The following TTC34 variants were observed in gnomAD, a reference collection of about 807,000 sequenced individuals.
TTC34 encodes tetratricopeptide repeat domain 34.
Under a neutral mutation model 40.7 loss-of-function variants are expected in TTC34, and 44 were observed. The ratio of observed to expected loss-of-function variants is 1.08; its 90% CI spans 0.85 to 1.39. The LOEUF (loss-of-function observed/expected upper bound fraction) is 1.39. Ranked by LOEUF, TTC34 falls within the 40% of genes most tolerant of loss-of-function variation. The probability of loss-of-function intolerance (pLI) is 0.00; values close to 1 mark genes in which losing one functional copy is unlikely to be tolerated. For synonymous variants in TTC34, 422 were observed against 398.6 expected, an observed-to-expected ratio of 1.06 and a Z score of -0.70; for missense variants, 884 against 838.0, an observed-to-expected ratio of 1.05 and a Z score of -0.68.
At chr1:2,757,446 G>A (rs1230451776) in intron 6 of TTC34, among the ~76,000 whole-genome samples, 48 of 13,546 alleles carry the variant, frequency 3.5e-3, no homozygotes, top group South Asian at 7.4e-3. Flanking sequence ...GCGAGCATCT[G>A]ACAGCCTGGA....
In TTC34 at chr1:2,759,722, G is replaced by A. The variant is rs1219601348; in HGVS notation, c.2226+23887C>T. 1.0e-4 allele frequency among the ~76,000 whole-genome samples: 2 copies of A among 19,052 alleles called. 1 individual carries two copies. Among genetic ancestry groups the A allele is most frequent in the African/African-American group, 7.2e-4 (2 of 2,780 alleles). 12.5% of individuals were successfully genotyped at this position (19,052 alleles called of 152,430 possible). ...CAGCCTGGAGCAGGACCCACACCCC[G>A]AGGTGAACATCCGACATCGTGGAGC... On this transcript the variant is annotated intron_variant, in intron 6 of 8. Coordinates refer to ENST00000401095, the Ensembl canonical transcript of TTC34.
chr1:2,767,881 C>G (rs980307735), intron 6 of TTC34, among the ~76,000 whole-genome samples: 1 of 149,762 alleles, frequency 6.7e-6, no homozygotes, highest in Admixed American at 6.7e-5. Flanking sequence ...GAAACAGCAC[C>G]CTCCACCACC....
chr1:2,683,559 G>C (rs1438635754), intron 6 of TTC34, among the ~76,000 whole-genome samples: 1 of 143,830 alleles, frequency 7.0e-6, no homozygotes, highest in East Asian at 2.1e-4. Context: ...ACAACCACAG[G>C]TGAGCATCCG....
At chr1:2,688,190 C>A (rs1450697124) in intron 6 of TTC34, among the ~76,000 whole-genome samples, 1 of 151,996 alleles carries the variant, frequency 6.6e-6, no homozygotes, top group African/African-American at 2.4e-5. Context: ...ATCGGACAGC[C>A]TGGAGCAGCA....
At chr1:2,644,450 C>A (rs1193267178) in exon 8 of TTC34, 29 of 1,534,548 alleles carry the variant, frequency 1.9e-5, no homozygotes, top group Non-Finnish European at 2.2e-5. Flanking sequence ...GGGCTTTTTC[C>A]AGGTGGGTGC....
chr1:2,651,032 G>A (rs953548961), intron 6 of TTC34, among the ~76,000 whole-genome samples: 2 of 140,960 alleles, frequency 1.4e-5, no homozygotes, highest in African/African-American at 2.7e-5. Flanking sequence ...CCACGCCTTC[G>A]GGGGGGCATC....
chr1:2,755,585 C>T (rs1447214827), intron 6 of TTC34, among the ~76,000 whole-genome samples: 1 of 118,356 alleles, frequency 8.4e-6, no homozygotes, highest in Admixed American at 8.6e-5. Flanking sequence ...ACCCACACCT[C>T]CCGGCGAGCA....
intron 6 of TTC34, among the ~76,000 whole-genome samples, chr1:2,674,256 C>CG (rs1639809913): frequency 1.1e-5 from 1 of 87,294 alleles, no homozygotes; most frequent in Non-Finnish European, 2.9e-5. Flanking sequence ...GAGAATCTGA[C>CG]AGCCTGGAAG....
chr1:2,639,240 G>A (rs1638848781), exon 9 of TTC34: 1 of 152,370 alleles, frequency 6.6e-6, no homozygotes, highest in African/African-American at 2.4e-5. Context: ...CCTGCTGGGT[G>A]AGCTGGTGGT....
intron 2 of TTC34, among the ~76,000 whole-genome samples, chr1:2,798,474 T>C (rs1327448602): frequency 1.2e-4 from 4 of 34,204 alleles, no homozygotes; most frequent in African/African-American, 2.6e-4. Flanking sequence ...TCCCAGCCTC[T>C]CAGCCTCTTA....
At chr1:2,648,297 G>A (rs753272200) in intron 6 of TTC34, among the ~76,000 whole-genome samples, 1 of 152,036 alleles carries the variant, frequency 6.6e-6, no homozygotes, top group African/African-American at 2.4e-5. Flanking sequence ...TTTCACTCTG[G>A]GGGGCAGGTA....
At position 2,796,115 on chromosome 1, in the gene TTC34, C is replaced by T. The variant is rs146149304; in HGVS notation, c.784+3929G>A. ...GAGGATGCAGCATTCAAGGCGCCAT[C>T]TTGGAATCCGAATCCCCAAGCCTGT... is the stretch of plus-strand genomic sequence containing the variant. On this transcript the variant is annotated intron_variant, in intron 2 of 8. Coordinates refer to ENST00000401095, the Ensembl canonical transcript of TTC34. The surrounding 1 kb of genome is among the most constrained non-coding windows in gnomAD (Gnocchi z 4.5). Among the ~76,000 whole-genome samples, 1 of 152,328 alleles carries T rather than the reference C, an allele frequency of 6.6e-6. No individual in the cohort carries two copies. Among genetic ancestry groups the T allele is most frequent in the African/African-American group, 2.4e-5 (1 of 41,570 alleles).
intron 6 of TTC34, among the ~76,000 whole-genome samples, chr1:2,655,628 C>G (rs1639317465): frequency 2.7e-5 from 4 of 149,970 alleles, no homozygotes; most frequent in Admixed American, 2.6e-4. Flanking sequence ...AAGTGAGCAT[C>G]TGACAGCCTG....
At chr1:2,759,893 A>AGCACCCTGCACTCCCCAGTTGAGCC (rs1641637819) in intron 6 of TTC34, among the ~76,000 whole-genome samples, 29 of 74,856 alleles carry the variant, frequency 3.9e-4, no homozygotes, top group South Asian at 9.5e-4. Flanking sequence ...TCAGGTGAGC[A>AGCACCCTGCACTCCCCAGTTGAGCC]TCTGACAGCC....
At chr1:2,687,124 C>A (rs1331527212) in intron 6 of TTC34, among the ~76,000 whole-genome samples, 3 of 145,240 alleles carry the variant, frequency 2.1e-5, no homozygotes, top group East Asian at 4.0e-4. Flanking sequence ...GCACCCCACA[C>A]CCACAGGTGA....
intron 6 of TTC34, among the ~76,000 whole-genome samples, chr1:2,758,013 G>C: frequency 7.1e-6 from 1 of 141,046 alleles, no homozygotes; most frequent in African/African-American, 2.8e-5. Flanking sequence ...GCATCTGACA[G>C]CATGTAACAG....
At position 2,750,519 on chromosome 1, in the gene TTC34, C is replaced by G. The variant is rs1361759961; in HGVS notation, c.2226+33090G>C. ...AGCATTGGACAGCCTGGATCAGCAC[C>G]CACATCCCCAAGCGAGCATCCGACA... On this transcript the variant is annotated intron_variant, in intron 6 of 8. Coordinates refer to ENST00000401095, the Ensembl canonical transcript of TTC34. 8.3e-4 allele frequency among the ~76,000 whole-genome samples: 120 copies of G among 144,818 alleles called. 37 individuals are homozygous for G. The highest frequency in any genetic ancestry group is 2.7e-3 in the African/African-American group (100 of 37,244).
intron 6 of TTC34, among the ~76,000 whole-genome samples, chr1:2,698,997 A>AGCAGTGCCC (rs1641000539): frequency 7.2e-6 from 1 of 139,362 alleles, no homozygotes; most frequent in Admixed American, 7.3e-5. Context: ...GACAGCCTGG[A>AGCAGTGCCC]AAGGCACCCA....
At chr1:2,700,932 A>C (rs1641104627) in intron 6 of TTC34, among the ~76,000 whole-genome samples, 1 of 16,916 alleles carries the variant, frequency 5.9e-5, no homozygotes. Context: ...ATAAAACAGC[A>C]CCCCTACTGG....
Sources: allele counts gnomAD v4.1 joint callset (sites outside exome capture counted in the v4.1 genomes callset), GRCh38; gene constraint gnomAD v4.1.1; non-coding constraint Gnocchi (gnomAD v3.1); transcripts MANE v1.5; gene names NCBI Gene and HGNC (gene_info 2026-07-23, HGNC 2026-07-21).